The following FNDC3A variants were observed in gnomAD, a reference collection of about 807,000 sequenced individuals.
FNDC3A encodes the protein fibronectin type-III domain-containing protein 3A.
FNDC3A carries 32 observed loss-of-function variants against 148.9 expected under a neutral mutation model. The ratio of observed to expected loss-of-function variants is 0.21; its 90% confidence interval spans 0.16 to 0.29. The LOEUF (loss-of-function observed/expected upper bound fraction) is 0.29. FNDC3A is among the 10% of genes least tolerant of loss of function. The pLI is 1.00. For synonymous variants in FNDC3A, 472 were observed against 473.6 expected, an observed-to-expected ratio of 1.00 and a Z score of 0.04; for missense variants, 1,191 against 1,452.8, an observed-to-expected ratio of 0.82 and a Z score of 2.93.
intron 4 of FNDC3A, among the ~76,000 whole-genome samples, chr13:49,124,332 G>A (rs1881555905): frequency 6.6e-6 from 1 of 151,986 alleles, no homozygotes; most frequent in Admixed American, 6.6e-5. Context: ...CACACACTGG[G>A]GCCTGTGAAG....
At chr13:49,131,097 AT>A (rs1882001696) in intron 4 of FNDC3A, 39 bp from the exon 5 acceptor site, 1 of 1,474,820 alleles carries the variant, frequency 6.8e-7, no homozygotes, top group Non-Finnish European at 9.5e-7. Context: ...AATTGTTTAT[AT>A]TCTATGGAAG....
chr13:48,993,633 A>G (rs1228670331), intron 1 of FNDC3A, among the ~76,000 whole-genome samples: 1 of 152,214 alleles, frequency 6.6e-6, no homozygotes, highest in African/African-American at 2.4e-5. Context: ...CTAGTAACAC[A>G]TGCAAAAGTG....
At chr13:49,024,687 A>G (rs947680941) in intron 2 of FNDC3A, among the ~76,000 whole-genome samples, 7 of 151,932 alleles carry the variant, frequency 4.6e-5, no homozygotes, top group Non-Finnish European at 7.4e-5. Context: ...TCCCTTCATG[A>G]TTTTAAAAAA....
intron 2 of FNDC3A, among the ~76,000 whole-genome samples, chr13:49,038,649 G>A (rs1874687417): frequency 6.6e-6 from 1 of 152,138 alleles, no homozygotes; most frequent in African/African-American, 2.4e-5. Context: ...TAAATATTGG[G>A]AACATGAATA....
chr13:49,039,619 C>G (rs752281388), intron 2 of FNDC3A, among the ~76,000 whole-genome samples: 7 of 152,146 alleles, frequency 4.6e-5, no homozygotes, highest in Non-Finnish European at 7.4e-5. Flanking sequence ...TCATATTTTG[C>G]TGTATTTTTG....
chr13:49,182,130 G>T lies in FNDC3A; in HGVS notation c.1617+3476G>T, dbSNP rs1885336552. 5.9e-5 allele frequency among the ~76,000 whole-genome samples: 9 copies of T among 151,898 alleles called. No individual in the cohort carries two copies. The South Asian group carries it at 1.9e-3, about 32-fold the overall frequency. The stretch of plus-strand genomic sequence containing the variant: ...CTGAGTAAGCTGGGACTACAGGCAT[G>T]AGCCACCACACCTGGCTATTTTTTA... On this transcript the variant is annotated intron_variant, in intron 14 of 25. Coordinates refer to ENST00000492622, the MANE Select transcript of FNDC3A (RefSeq NM_001079673.2).
At chr13:49,020,734 C>T (rs1325355248) in intron 2 of FNDC3A, among the ~76,000 whole-genome samples, 1 of 152,192 alleles carries the variant, frequency 6.6e-6, no homozygotes, top group Non-Finnish European at 1.5e-5. Context: ...GCAAGTAATG[C>T]ATTATTTCAT....
chr13:48,996,517 T>C (rs1341413137), intron 1 of FNDC3A, among the ~76,000 whole-genome samples: 1 of 152,208 alleles, frequency 6.6e-6, no homozygotes, highest in Non-Finnish European at 1.5e-5. Flanking sequence ...TATATTGTAT[T>C]AGGTATTATA....
chr13:49,090,622 C>A (rs1160363754), intron 3 of FNDC3A, among the ~76,000 whole-genome samples: 1 of 128,050 alleles, frequency 7.8e-6, no homozygotes, highest in Non-Finnish European at 1.6e-5. Context: ...GTTGTGACTT[C>A]CAGGGGATTT....
chr13:49,192,945 A>G (rs543998850), intron 19 of FNDC3A, among the ~76,000 whole-genome samples: 2 of 152,318 alleles, frequency 1.3e-5, no homozygotes, highest in East Asian at 3.8e-4. Flanking sequence ...GCATGCTAGA[A>G]TGGTGAAGCT....
At chr13:49,119,342 G>A (rs527440146) in intron 4 of FNDC3A, among the ~76,000 whole-genome samples, 2 of 152,280 alleles carry the variant, frequency 1.3e-5, no homozygotes, top group South Asian at 2.1e-4. Context: ...AACCCCATCC[G>A]AAGGTCACCA....
At chr13:49,125,472 A>T (rs975393067) in intron 4 of FNDC3A, among the ~76,000 whole-genome samples, 10 of 152,172 alleles carry the variant, frequency 6.6e-5, no homozygotes, top group African/African-American at 2.4e-4. Flanking sequence ...TATTATTAAG[A>T]GCTTAAAGTT....
At chr13:49,057,437 C>T in intron 2 of FNDC3A, among the ~76,000 whole-genome samples, 1 of 152,122 alleles carries the variant, frequency 6.6e-6, no homozygotes, top group East Asian at 1.9e-4. Flanking sequence ...ATCAGCCACC[C>T]CTCTTATGCC....
At chr13:49,189,108 A>G (rs895585741) in intron 17 of FNDC3A, among the ~76,000 whole-genome samples, 9 of 152,172 alleles carry the variant, frequency 5.9e-5, no homozygotes, top group Non-Finnish European at 8.8e-5. Context: ...TGAACTTAAA[A>G]TGTACCATTG....
chr13:49,101,901 C>CAGCGT (rs1879881299), intron 3 of FNDC3A, among the ~76,000 whole-genome samples: 1 of 149,082 alleles, frequency 6.7e-6, no homozygotes, highest in Non-Finnish European at 1.5e-5. Flanking sequence ...ACCAACTTAA[C>CAGCGT]AGCGTGGTCC....
In FNDC3A at chr13:49,187,117, G is replaced by C; in HGVS notation, c.1757-5G>C. The C allele has an allele frequency of 6.2e-7, 1 of 1,609,422 alleles. No individual in the cohort carries two copies. Among genetic ancestry groups the C allele is most frequent in the Non-Finnish European group, 8.5e-7 (1 of 1,176,764 alleles). On this transcript the variant is annotated splice_region_variant and splice_polypyrimidine_tract_variant and intron_variant, in intron 15 of 25. Coordinates refer to ENST00000492622, the MANE Select transcript of FNDC3A (RefSeq NM_001079673.2). ...TGCCTAATACTACTTTGCTTCTTTG[G>C]ATAGATCCACCAAAAGACAATGGCG...
At chr13:48,985,395 T>C (rs906627492) in intron 1 of FNDC3A, among the ~76,000 whole-genome samples, 1 of 152,224 alleles carries the variant, frequency 6.6e-6, no homozygotes, top group African/African-American at 2.4e-5. Flanking sequence ...TTTATTTCTA[T>C]ATGTCTGTAA....
At chr13:48,987,277 G>A (rs2987534) in intron 1 of FNDC3A, among the ~76,000 whole-genome samples, 149,806 of 152,328 alleles carry the variant, frequency 0.98, 73,693 homozygotes, top group South Asian at 1. Context: ...GATGTTACTT[G>A]AAAGAAAAAC....
chr13:49,028,440 T>A (rs1873880003), intron 2 of FNDC3A, among the ~76,000 whole-genome samples: 1 of 152,060 alleles, frequency 6.6e-6, no homozygotes, highest in East Asian at 2.0e-4. Context: ...CGAATCTCGC[T>A]TGTTGCCCAG....
Sources: gnomAD v4.1 joint callset for allele counts (sites outside exome capture counted in the v4.1 genomes callset) on GRCh38, gnomAD v4.1.1 for gene constraint, MANE v1.5 for transcripts, NCBI Gene and HGNC (gene_info 2026-07-23, HGNC 2026-07-21) for gene names.